ORC4: variants seen among roughly 807,000 people sequenced by gnomAD.
ORC4 encodes origin recognition complex subunit 4.
A neutral mutation model predicts 63.9 loss-of-function variants in ORC4; 55 were observed. That is an observed-to-expected ratio of 0.86 (90% confidence interval 0.69 to 1.08). ORC4 has a LOEUF of 1.08. Among genes scored for constraint, ORC4 ranks in the 50% least tolerant of loss-of-function variants. ORC4 has a pLI of 0.00. For missense variants in ORC4, 511 were observed against 504.4 expected, an observed-to-expected ratio of 1.01 and a Z score of -0.13; for synonymous variants, 150 against 168.5, an observed-to-expected ratio of 0.89 and a Z score of 0.85.
At chr2:147,990,862 C>A (rs190186028) in intron 1 of ORC4, among the ~76,000 whole-genome samples, 28 of 152,060 alleles carry the variant, frequency 1.8e-4, no homozygotes, top group Non-Finnish European at 3.8e-4. Context: ...TGTCTTGGTA[C>A]TTAAACTGAT....
Position 147,991,082 on chromosome 2 carries a change from T to C in ORC4, c.-17-15107A>G, listed in dbSNP as rs980706780. 4.1e-5 allele frequency among the ~76,000 whole-genome samples: 6 copies of C among 146,812 alleles called. No individual in the cohort carries two copies. The East Asian group carries it at 1.2e-3, about 29-fold the overall frequency. On this transcript the variant is annotated intron_variant, in intron 1 of 13. Coordinates refer to ENST00000392857, the MANE Select transcript of ORC4 (RefSeq NM_181741.4). ...TTTTTTTTTTGAGCTGGACTTTCACTCTGTCGCCTGGCTGGAGTGCAGTGG... is the reference window on the plus strand; with the variant it reads ...TTTTTTTTTTGAGCTGGACTTTCACCCTGTCGCCTGGCTGGAGTGCAGTGG...
chr2:147,943,371 T>G, intron 10 of ORC4, 65 bp downstream of exon 10: 3 of 1,064,356 alleles, frequency 2.8e-6, no homozygotes, highest in Non-Finnish European at 4.4e-6. Context: ...AGCAACAAAG[T>G]GAGACCCCGT....
chr2:148,013,834 G>A (rs1693112073), intron 1 of ORC4, among the ~76,000 whole-genome samples: 1 of 152,110 alleles, frequency 6.6e-6, no homozygotes, highest in Admixed American at 6.5e-5. Flanking sequence ...TATGGTAGTG[G>A]CAGACAGGAC....
intron 1 of ORC4, among the ~76,000 whole-genome samples, chr2:148,004,592 C>T (rs1002022732): frequency 6.6e-6 from 1 of 152,074 alleles, no homozygotes; most frequent in African/African-American, 2.4e-5. Context: ...ACTGGCCCCC[C>T]CTTCCTTACA....
intron 4 of ORC4, 27 bp downstream of exon 4, chr2:147,972,712 C>T (rs1164267074): frequency 1.6e-5 from 23 of 1,418,790 alleles, no homozygotes; most frequent in East Asian, 2.3e-5. Flanking sequence ...CACATGCCAA[C>T]AAACACCAGA....
chr2:147,983,930 G>A (rs1207287470), intron 1 of ORC4, among the ~76,000 whole-genome samples: 2 of 152,184 alleles, frequency 1.3e-5, no homozygotes, highest in Non-Finnish European at 2.9e-5. Context: ...ACCACTGCCA[G>A]ACAGTGAGAA....
chr2:147,949,072 ATATT>A (rs1688812972), intron 8 of ORC4, among the ~76,000 whole-genome samples: 3 of 148,540 alleles, frequency 2.0e-5, no homozygotes, highest in South Asian at 2.1e-4. Context: ...AGTATAATAT[ATATT>A]TATTACTTAA....
chr2:147,938,303 T>A lies in ORC4; in HGVS notation c.1049A>T (p.Tyr350Phe), dbSNP rs376702002. The A allele has an allele frequency of 5.0e-6, 8 of 1,600,006 alleles. No homozygotes were observed. In the African/African-American group the frequency reaches 9.4e-5, roughly 19 times the overall value. ...EEEPFNFQMV[Y>F]NEFQKFVQRK... is the part of the protein sequence containing the mutation. The stretch of plus-strand genomic sequence containing the variant: ...CTACTTAAGTCTCATCTCACCATTA[T>A]AGACCATTTGAAAATTAAATGGCTC... The change falls in exon 12 of 14, where the codon TAT becomes TTT. Residue 350 changes from tyrosine to phenylalanine, a missense_variant. Transcript: ENST00000392857.
chr2:147,997,613 A>G (rs1443017312), intron 1 of ORC4, among the ~76,000 whole-genome samples: 3 of 152,134 alleles, frequency 2.0e-5, no homozygotes, highest in Non-Finnish European at 4.4e-5. Context: ...TTCTTCTCAA[A>G]GTACATGACA....
At chr2:147,947,187 G>C (rs879565293) in intron 9 of ORC4, among the ~76,000 whole-genome samples, 8 of 151,854 alleles carry the variant, frequency 5.3e-5, no homozygotes, top group Non-Finnish European at 8.8e-5. Context: ...TCTATTCAAA[G>C]ATCTAATTAT....
intron 4 of ORC4, among the ~76,000 whole-genome samples, chr2:147,962,038 A>C (rs1326445726): frequency 6.6e-6 from 1 of 152,136 alleles, no homozygotes. Flanking sequence ...TGTTGAAGGG[A>C]GAGTACTGGA....
intron 1 of ORC4, among the ~76,000 whole-genome samples, chr2:147,982,633 G>GA (rs1690955667): frequency 6.6e-6 from 1 of 152,068 alleles, no homozygotes; most frequent in Non-Finnish European, 1.5e-5. Context: ...ATTCATAAAA[G>GA]AAACAACAAA....
chr2:147,938,482 C>T lies in ORC4; in HGVS notation c.959-89G>A, dbSNP rs993198366. On this transcript the variant is annotated intron_variant, in intron 11 of 13. Transcript: ENST00000392857. ...CAAAGAATACAATATAGTGAAAGAT[C>T]TATGGTTCTGAGGGGTGAAGAAGGT... 3.7e-6 allele frequency: 3 copies of T among 820,664 alleles called. No individual in the cohort carries two copies. In the African/African-American group the frequency reaches 5.1e-5, roughly 14 times the overall value. 50.8% of individuals were successfully genotyped at this position (820,664 alleles called of 1,614,324 possible). A position where few individuals can be genotyped will look rare whatever the true frequency, so the allele number is the denominator to read the frequency against.
upstream of ORC4, chr2:148,021,127 T>A (rs979900078): frequency 6.7e-6 from 1 of 149,760 alleles, no homozygotes; most frequent in Non-Finnish European, 1.5e-5. Context: ...CAGCTGATGA[T>A]GAAGAGAGAG....
chr2:147,997,291 A>C (rs1692028850), intron 1 of ORC4, among the ~76,000 whole-genome samples: 2 of 152,196 alleles, frequency 1.3e-5, no homozygotes, highest in African/African-American at 2.4e-5. Context: ...TTTTAGGGCA[A>C]TTAAATTATT....
intron 1 of ORC4, among the ~76,000 whole-genome samples, chr2:148,018,674 AATG>A (rs1427784275): frequency 6.6e-6 from 1 of 152,262 alleles, no homozygotes; most frequent in Non-Finnish European, 1.5e-5. Context: ...AAAGATACAT[AATG>A]ATATGTAATA....
chr2:147,979,963 G>A (rs1021874093), intron 1 of ORC4, among the ~76,000 whole-genome samples: 3 of 152,082 alleles, frequency 2.0e-5, no homozygotes, highest in Non-Finnish European at 4.4e-5. Context: ...CTGAAACATA[G>A]GGGAAGAAAA....
chr2:147,974,381 C>T (rs12469015), intron 2 of ORC4, among the ~76,000 whole-genome samples: 39,573 of 151,978 alleles, frequency 0.26, 5,976 homozygotes, highest in East Asian at 0.46. Flanking sequence ...CGTCTGTAAT[C>T]CCAACACTTT....
intron 4 of ORC4, among the ~76,000 whole-genome samples, chr2:147,967,511 A>G (rs1006715823): frequency 2.6e-5 from 4 of 152,024 alleles, no homozygotes; most frequent in Non-Finnish European, 4.4e-5. Context: ...CTACCCGAAA[A>G]AAAAAAATCA....
Sources: allele counts gnomAD v4.1 joint callset (sites outside exome capture counted in the v4.1 genomes callset), GRCh38; gene constraint gnomAD v4.1.1; transcripts MANE v1.5; gene names NCBI Gene and HGNC (gene_info 2026-07-23, HGNC 2026-07-21).